EPHA3: variants seen among roughly 807,000 people sequenced by gnomAD.
The protein encoded by EPHA3 is EPH receptor A3.
In EPHA3, 42 loss-of-function variants were observed where a neutral mutation model predicts 107.1. The observed-to-expected ratio is 0.39, with a 90% CI of 0.31 to 0.51. The LOEUF (loss-of-function observed/expected upper bound fraction) is 0.51, where lower values mean the gene tolerates loss of function less well. EPHA3 is among the 20% of genes least tolerant of loss of function. EPHA3 has a pLI of 0.78. For missense variants in EPHA3, 1,183 were observed against 1,211.2 expected (o/e 0.98, Z 0.35); for synonymous variants, 461 against 424.8 (o/e 1.09, Z -1.05).
chr3:89,342,171 G>A (rs1339724423), intron 5 of EPHA3, 81 bp downstream of exon 5: 1 of 1,310,218 alleles, frequency 7.6e-7, no homozygotes. Context: ...AAACTGGGCG[G>A]AAGGAAAAAA....
rs1707433230 is a variant in EPHA3 at position 89,338,066 on chromosome 3, A to G, written c.815-2850A>G. On this transcript the variant is annotated intron_variant, in intron 3 of 16. Transcript: ENST00000336596. ...TGTTAGAAAACAAAAAGGTATCACAAATATTTTAATCGGACTTCTGTGTAC... is the reference window on the plus strand; with the variant it reads ...TGTTAGAAAACAAAAAGGTATCACAGATATTTTAATCGGACTTCTGTGTAC... Among the ~76,000 whole-genome samples, 4 of 152,302 alleles carry G rather than the reference A, an allele frequency of 2.6e-5. No homozygotes were observed. The South Asian group carries it at 6.2e-4, about 24-fold the overall frequency.
intron 3 of EPHA3, among the ~76,000 whole-genome samples, chr3:89,223,709 T>G (rs933176530): frequency 9.8e-5 from 15 of 152,320 alleles, no homozygotes; most frequent in Admixed American, 7.8e-4. Context: ...TACATTTGGA[T>G]TTTGTTTGTA....
At chr3:89,197,049 G>A (rs193193592) in intron 2 of EPHA3, among the ~76,000 whole-genome samples, 1 of 152,022 alleles carries the variant, frequency 6.6e-6, no homozygotes, top group Non-Finnish European at 1.5e-5. Context: ...TTTATGACAT[G>A]ATTCAGATCA....
chr3:89,125,659 A>T (rs1201419000), intron 1 of EPHA3, among the ~76,000 whole-genome samples: 1 of 151,654 alleles, frequency 6.6e-6, no homozygotes, highest in African/African-American at 2.4e-5. Context: ...TTGGGAAAAA[A>T]TTCTTTAATC....
intron 3 of EPHA3, among the ~76,000 whole-genome samples, chr3:89,319,252 A>C (rs1287462386): frequency 6.6e-6 from 1 of 151,928 alleles, no homozygotes; most frequent in African/African-American, 2.4e-5. Context: ...GAGAAGTAGG[A>C]GCAGAGACTT....
chr3:89,126,439 CT>C (rs1358363386), intron 1 of EPHA3, among the ~76,000 whole-genome samples: 2 of 151,622 alleles, frequency 1.3e-5, no homozygotes, highest in African/African-American at 4.8e-5. Flanking sequence ...GTTCCATCTT[CT>C]TTTAATAATA....
In EPHA3 at chr3:89,417,086, A is replaced by G. The variant is rs189198022; in HGVS notation, c.1889-2119A>G. 2.1e-3 allele frequency among the ~76,000 whole-genome samples: 316 copies of G among 151,628 alleles called. 2 individuals are homozygous for G. The highest frequency in any genetic ancestry group is 6.8e-3 in the Middle Eastern group (2 of 294). On this transcript the variant is annotated intron_variant, in intron 10 of 16. Transcript: ENST00000336596. Reference sequence around the variant, plus strand: ...TCTGAACTCAGAGAGATAAATAGTGACCAACACTTAGATGTCACCTACTGT... The same window carrying G: ...TCTGAACTCAGAGAGATAAATAGTGGCCAACACTTAGATGTCACCTACTGT...
chr3:89,287,571 G>A (rs1366588940), intron 3 of EPHA3, among the ~76,000 whole-genome samples: 1 of 151,804 alleles, frequency 6.6e-6, no homozygotes, highest in Non-Finnish European at 1.5e-5. Flanking sequence ...TAGTATTCTG[G>A]GAATATATAT....
intron 3 of EPHA3, among the ~76,000 whole-genome samples, chr3:89,322,857 T>C (rs1707075698): frequency 6.6e-6 from 1 of 151,258 alleles, no homozygotes; most frequent in Non-Finnish European, 1.5e-5. Context: ...AAGCAAAAAT[T>C]GCTTTGACTT....
chr3:89,164,393 C>A (rs1366302903), intron 2 of EPHA3, among the ~76,000 whole-genome samples: 2 of 152,216 alleles, frequency 1.3e-5, no homozygotes, highest in Non-Finnish European at 2.9e-5. Flanking sequence ...TTGGCCTAGA[C>A]ACGCCCCCCT....
At chr3:89,423,701 T>A (rs1158762387) in intron 11 of EPHA3, among the ~76,000 whole-genome samples, 4 of 151,440 alleles carry the variant, frequency 2.6e-5, no homozygotes, top group African/African-American at 9.7e-5. Context: ...GGGAATGTTA[T>A]TTTTACATAT....
intron 2 of EPHA3, among the ~76,000 whole-genome samples, chr3:89,177,157 TAA>T (rs901808835): frequency 3.9e-5 from 6 of 152,196 alleles, no homozygotes; most frequent in African/African-American, 1.4e-4. Context: ...CTAAATATTA[TAA>T]GAGTAGTTTT....
intron 3 of EPHA3, among the ~76,000 whole-genome samples, chr3:89,273,132 A>C (rs1337909276): frequency 6.6e-6 from 1 of 151,960 alleles, no homozygotes; most frequent in East Asian, 1.9e-4. Context: ...ATTGTGAGCC[A>C]AAATATTTGA....
intron 1 of EPHA3, among the ~76,000 whole-genome samples, chr3:89,122,678 A>G (rs1707416431): frequency 1.3e-5 from 2 of 152,210 alleles, no homozygotes; most frequent in African/African-American, 4.8e-5. Flanking sequence ...TATGAATCAG[A>G]ATTTAGAAAT....
intron 2 of EPHA3, among the ~76,000 whole-genome samples, chr3:89,195,891 A>G (rs1007051806): frequency 6.6e-5 from 10 of 152,140 alleles, no homozygotes; most frequent in African/African-American, 2.4e-4. Context: ...ATTCCAAACC[A>G]TCTACATGGT....
At chr3:89,326,047 T>C (rs1486776682) in intron 3 of EPHA3, among the ~76,000 whole-genome samples, 6 of 151,204 alleles carry the variant, frequency 4.0e-5, no homozygotes, top group Non-Finnish European at 7.4e-5. Flanking sequence ...TATAGGACAC[T>C]GGGAAGTCCT....
intron 2 of EPHA3, among the ~76,000 whole-genome samples, chr3:89,190,492 T>C (rs1705688370): frequency 6.6e-6 from 1 of 152,204 alleles, no homozygotes; most frequent in Non-Finnish European, 1.5e-5. Flanking sequence ...ATATTCTTTG[T>C]TACATATACT....
intron 12 of EPHA3, among the ~76,000 whole-genome samples, chr3:89,430,100 A>C (rs1199190690): frequency 1.3e-5 from 2 of 152,174 alleles, no homozygotes; most frequent in African/African-American, 4.8e-5. Flanking sequence ...TAAGAAAGTG[A>C]ATATATTAAA....
At chr3:89,179,865 T>A (rs988684275) in intron 2 of EPHA3, among the ~76,000 whole-genome samples, 2 of 151,854 alleles carry the variant, frequency 1.3e-5, no homozygotes, top group African/African-American at 4.8e-5. Flanking sequence ...CTCTCATGTG[T>A]ATAGTTGTTT....
Sources: gnomAD v4.1 joint callset for allele counts (sites outside exome capture counted in the v4.1 genomes callset) on GRCh38, gnomAD v4.1.1 for gene constraint, MANE v1.5 for transcripts, NCBI Gene and HGNC (gene_info 2026-07-23, HGNC 2026-07-21) for gene names.